KCNIP4: variants seen among roughly 807,000 people sequenced by gnomAD.
KCNIP4 encodes potassium voltage-gated channel interacting protein 4.
KCNIP4 carries 12 observed loss-of-function variants against 34.0 expected under a neutral mutation model. The observed-to-expected ratio is 0.35, with a 90% CI of 0.23 to 0.57. The LOEUF is 0.57. KCNIP4 is among the 20% of genes least tolerant of loss of function. The pLI is 0.83. For missense variants in KCNIP4, 238 were observed against 311.7 expected (o/e 0.76, Z 1.78); for synonymous variants, 124 against 102.2 (o/e 1.21, Z -1.29).
intron 1 of KCNIP4, among the ~76,000 whole-genome samples, chr4:21,318,367 G>C (rs1242333940): frequency 6.6e-6 from 1 of 152,144 alleles, no homozygotes; most frequent in African/African-American, 2.4e-5. Flanking sequence ...GCATCATTGT[G>C]AGTCAAAGCA....
intron 1 of KCNIP4, among the ~76,000 whole-genome samples, chr4:20,928,857 C>T (rs1384655364): frequency 6.6e-6 from 1 of 151,804 alleles, no homozygotes; most frequent in East Asian, 1.9e-4. Context: ...AAATAGAAAG[C>T]TTGAATGGAC....
intron 1 of KCNIP4, among the ~76,000 whole-genome samples, chr4:21,068,359 G>A (rs531893937): frequency 4.6e-5 from 7 of 152,074 alleles, no homozygotes; most frequent in Non-Finnish European, 5.9e-5. Flanking sequence ...AGTTTATCAA[G>A]TCATCACCTC....
At chr4:20,909,768 C>T (rs1185670651) in intron 1 of KCNIP4, among the ~76,000 whole-genome samples, 2 of 152,128 alleles carry the variant, frequency 1.3e-5, no homozygotes, top group African/African-American at 4.8e-5. Context: ...ATGTCTATTT[C>T]ATTTTTTTTC....
intron 1 of KCNIP4, among the ~76,000 whole-genome samples, chr4:21,375,341 C>T (rs2109454089): frequency 6.6e-6 from 1 of 152,246 alleles, no homozygotes; most frequent in Admixed American, 6.5e-5. Flanking sequence ...AAATAGCAGA[C>T]TCACTTCCCA....
chr4:20,851,498 A>G (rs1170927339), intron 2 of KCNIP4, among the ~76,000 whole-genome samples: 1 of 152,194 alleles, frequency 6.6e-6, no homozygotes, highest in Non-Finnish European at 1.5e-5. Context: ...GAACATATGC[A>G]GGCATGTATC....
At chr4:21,325,934 G>A (rs1321006655) in intron 1 of KCNIP4, among the ~76,000 whole-genome samples, 1 of 151,738 alleles carries the variant, frequency 6.6e-6, no homozygotes, top group Admixed American at 6.6e-5. Flanking sequence ...CTGATTTTTA[G>A]TTTTATTCTA....
At chr4:21,404,064 G>T (rs1436267953) in intron 1 of KCNIP4, among the ~76,000 whole-genome samples, 1 of 152,194 alleles carries the variant, frequency 6.6e-6, no homozygotes, top group Non-Finnish European at 1.5e-5. Context: ...ATTTCTTGCT[G>T]TTCCTTGAAT....
At chr4:21,611,749 A>AT (rs1744176266) in intron 1 of KCNIP4, among the ~76,000 whole-genome samples, 3 of 83,004 alleles carry the variant, frequency 3.6e-5, no homozygotes, top group African/African-American at 1.9e-4. Context: ...TGTACCATAC[A>AT]TTTTTTGGAG....
chr4:21,796,066 CTCAA>C (rs1720604752), intron 1 of KCNIP4, among the ~76,000 whole-genome samples: 1 of 152,124 alleles, frequency 6.6e-6, no homozygotes, highest in Non-Finnish European at 1.5e-5. Context: ...CAGACTCTGT[CTCAA>C]TCAATCAATA....
intron 1 of KCNIP4, among the ~76,000 whole-genome samples, chr4:21,194,788 T>C (rs757976680): frequency 4.5e-4 from 68 of 152,142 alleles, no homozygotes; most frequent in Non-Finnish European, 9.0e-4. Flanking sequence ...GGTTCCTGAA[T>C]GATAGCATGA....
intron 1 of KCNIP4, among the ~76,000 whole-genome samples, chr4:21,807,235 G>T (rs572768075): frequency 2.0e-5 from 3 of 152,254 alleles, no homozygotes; most frequent in African/African-American, 7.2e-5. Context: ...ACAAAGCTTC[G>T]CTTGCTCACT....
intron 2 of KCNIP4, among the ~76,000 whole-genome samples, chr4:20,870,349 A>C (rs1441985855): frequency 6.6e-6 from 1 of 152,048 alleles, no homozygotes; most frequent in African/African-American, 2.4e-5. Context: ...CATGTGAAGA[A>C]GCTGCTTGCT....
intron 1 of KCNIP4, among the ~76,000 whole-genome samples, chr4:21,414,150 C>T (rs1358132560): frequency 6.6e-6 from 1 of 151,572 alleles, no homozygotes; most frequent in Admixed American, 6.6e-5. Context: ...AAAAAAAAAG[C>T]AGCGAAGTGA....
rs1720428845 is a variant in KCNIP4, at chr4:21,371,330, T to C, written c.62-488621A>G. On this transcript the variant is annotated intron_variant, in intron 1 of 8. Coordinates refer to ENST00000382152, the MANE Select transcript of KCNIP4 (RefSeq NM_025221.6). ...ACAATGTAGGCAAGAAGGTCAACAG[T>C]AATAATGACCCAGAATTGGAATAGT... Among the ~76,000 whole-genome samples the C allele has an allele frequency of 3.4e-5, 5 of 146,354 alleles. No individual in the cohort carries two copies. In the South Asian group the frequency reaches 1.1e-3, roughly 31 times the overall value.
At chr4:21,117,307 G>T (rs142384595) in intron 1 of KCNIP4, among the ~76,000 whole-genome samples, 9 of 41,684 alleles carry the variant, frequency 2.2e-4, no homozygotes, top group African/African-American at 6.0e-4. Flanking sequence ...TGCCGGGGGG[G>T]GGGGGGGGGG....
chr4:21,523,738 A>AT (rs1229655278), intron 1 of KCNIP4, among the ~76,000 whole-genome samples: 1 of 151,660 alleles, frequency 6.6e-6, no homozygotes, highest in African/African-American at 2.4e-5. Context: ...CACCTGGGTA[A>AT]TTTTTTTATT....
chr4:20,746,556 G>T (rs111554978), intron 5 of KCNIP4, among the ~76,000 whole-genome samples: 4 of 152,048 alleles, frequency 2.6e-5, no homozygotes, highest in African/African-American at 9.6e-5. Context: ...AACTGCTATA[G>T]TTAACATCTA....
At chr4:21,749,949 A>G (rs1717040495) in intron 1 of KCNIP4, among the ~76,000 whole-genome samples, 1 of 152,116 alleles carries the variant, frequency 6.6e-6, no homozygotes, top group Admixed American at 6.6e-5. Context: ...CTTATCTGCA[A>G]TTTTGCTTTC....
intron 1 of KCNIP4, among the ~76,000 whole-genome samples, chr4:21,289,854 G>C (rs916402000): frequency 6.6e-6 from 1 of 152,108 alleles, no homozygotes; most frequent in Non-Finnish European, 1.5e-5. Flanking sequence ...AGCAGCCACA[G>C]ACTCCCACTC....
Sources: allele counts gnomAD v4.1 joint callset (sites outside exome capture counted in the v4.1 genomes callset), GRCh38; gene constraint gnomAD v4.1.1; transcripts MANE v1.5; gene names NCBI Gene and HGNC (gene_info 2026-07-23, HGNC 2026-07-21).